Variants in LAMB2 observed in about 807,000 individuals in gnomAD.
The protein encoded by LAMB2 is laminin subunit beta 2, also known as laminin subunit beta-2.
Under a neutral mutation model 202.7 loss-of-function variants are expected in LAMB2, and 119 were observed. That is an observed-to-expected ratio of 0.59 (90% CI 0.51 to 0.68). The LOEUF (loss-of-function observed/expected upper bound fraction) is 0.68, where lower values mean the gene tolerates loss of function less well. Among genes scored for constraint, LAMB2 ranks in the 30% least tolerant of loss-of-function variants. The pLI, the probability that LAMB2 is intolerant of heterozygous loss-of-function variation, is 0.00. For missense variants in LAMB2, 2,124 were observed against 2,410.6 expected (o/e 0.88, Z 2.49); for synonymous variants, 818 against 902.2 (o/e 0.91, Z 1.67).
In LAMB2 at chr3:49,122,249, G is replaced by T; in HGVS notation, c.4695C>A (p.Ser1565Arg). The change falls in exon 28 of 32, where the codon AGC becomes AGA. Residue 1565 changes from serine (S) to arginine (R), a missense_variant. Ser to Arg is a moderately radical substitution (Grantham distance 110). Around this residue, in one of 3 missense-constraint regions of LAMB2, gnomAD observed 1,702 missense variants for 1,896.3 expected, o/e 0.90. Coordinates refer to ENST00000305544, the MANE Select transcript of LAMB2 (RefSeq NM_002292.4). The stretch of plus-strand genomic sequence containing the variant: ...CCAGGATCGCATCCACATCTGCCAG[G>T]CTCCGGACTCGCTCTGCAATCGCAC... ...LAGAIAERVR[S>R]LADVDAILAR... is the part of the protein sequence containing the mutation. 1 of 1,613,468 alleles carries T rather than the reference G, an allele frequency of 6.2e-7. No individual in the cohort carries two copies. The highest frequency in any genetic ancestry group is 8.5e-7 in the Non-Finnish European group (1 of 1,180,040).
chr3:49,128,349 A>C (rs1270581620), intron 15 of LAMB2, 109 bp downstream of exon 15: 32 of 1,390,620 alleles, frequency 2.3e-5, no homozygotes, highest in Non-Finnish European at 2.7e-5. Context: ...AGGTATTTGA[A>C]AGAAGGAACA....
Position 49,122,356 on chromosome 3 carries a change from G to A in LAMB2, c.4588C>T (p.Pro1530Ser). The A allele has an allele frequency of 1.2e-6, 2 of 1,613,320 alleles. No individual in the cohort carries two copies. The highest frequency in any genetic ancestry group is 1.7e-6 in the Non-Finnish European group (2 of 1,180,012). ...KDFLNQEGADPDSIEMVATRV... is the reference protein window; with the variant it reads ...KDFLNQEGADSDSIEMVATRV... ...GTGGCCACCATTTCAATGCTATCAG[G>A]ATCAGCCCCCTCCTCTATAGGGACA... The change falls in exon 28 of 32, where the codon CCT (proline) becomes TCT (serine). Residue 1530 changes from proline (P) to serine (S), a missense_variant. Pro to Ser is a moderately conservative substitution (Grantham distance 74). Coordinates refer to ENST00000305544, the MANE Select transcript of LAMB2 (RefSeq NM_002292.4).
In LAMB2 at chr3:49,124,963, C is replaced by T. The variant is rs778770435; in HGVS notation, c.2885-38G>A. ...AAGAGGAAGCTGTGAGTGCTCAGCC[C>T]AGCCAACTCACCCTGATCCCACGCC... On this transcript the variant is annotated intron_variant, in intron 20 of 31. Transcript: ENST00000305544. 9.9e-6 allele frequency: 16 copies of T among 1,613,948 alleles called. No individual in the cohort carries two copies. In the South Asian group the frequency reaches 1.5e-4, roughly 16 times the overall value.
chr3:49,123,296 C>T lies in LAMB2; in HGVS notation c.4060G>A (p.Val1354Ile), dbSNP rs1013824488. The part of the protein sequence containing the change: ...ERRANTSALA[V>I]PSPVSNSASA... ...GCCGAGTTGCTCACAGGGCTAGGTA[C>T]TGCCAGGGCTGAGGTATTGGCACGA... The change falls in exon 26 of 32, where the codon GTA becomes ATA. Residue 1354 changes from valine to isoleucine, a missense_variant. Transcript: ENST00000305544. 9.9e-6 allele frequency: 16 copies of T among 1,614,014 alleles called. No homozygotes were observed. The highest frequency in any genetic ancestry group is 1.4e-5 in the Non-Finnish European group (16 of 1,180,042).
Position 49,125,569 on chromosome 3 carries a change from G to A in LAMB2, c.2489-85C>T. 7 of 1,394,514 alleles carry A rather than the reference G, an allele frequency of 5.0e-6. No homozygotes were observed. The South Asian group carries it at 5.0e-5, about 10-fold the overall frequency. The allele number at this position is 1,394,514 out of a possible 1,614,324, so 86.4% of individuals were successfully genotyped here. A position where few individuals can be genotyped will look rare whatever the true frequency, so the allele number is the denominator to read the frequency against. On this transcript the variant is annotated intron_variant, in intron 18 of 31. Transcript: ENST00000305544. ...GGGGGAGGGTCTCAGGGGAGTGTGA[G>A]TAGTGGGAGTCTAGGTGGGAAGGTC...
Position 49,124,729 on chromosome 3 carries a change from A to G in LAMB2, c.3081T>C (p.His1027=). ...PHCAHCKPGF[H]GQAARQSCHR... ...GACAGCTCTGTCGGGCAGCCTGCCC[A>G]TGGAAGCCAGGCTTGCAGTGGGCAC... Residue 1027 remains histidine (H), a synonymous_variant, in exon 21 of 32, where the codon CAT becomes CAC. Transcript: ENST00000305544. The G allele has an allele frequency of 6.2e-7, 1 of 1,614,206 alleles. No homozygotes were observed. Among genetic ancestry groups the G allele is most frequent in the Non-Finnish European group, 8.5e-7 (1 of 1,180,030 alleles).
At position 49,130,374 on chromosome 3, in the gene LAMB2, G is replaced by A. The variant is rs1270231900; in HGVS notation, c.1082C>T (p.Ala361Val). Reference protein sequence around the residue: ...GHTHSCHFDMAVYLASGNVSG... With the variant: ...GHTHSCHFDMVVYLASGNVSG... ...CACATTGCCAGATGCCAGGTATACG[G>A]CCATGTCGAAGTGGCAGCTGTGGGT... is the stretch of plus-strand genomic sequence containing the variant. Residue 361 changes from alanine to valine, a missense_variant, in exon 9 of 32, where the codon GCC becomes GTC. Around this residue, in one of 3 missense-constraint regions of LAMB2, gnomAD observed 256 missense variants for 356.1 expected, o/e 0.72. Coordinates refer to ENST00000305544, the MANE Select transcript of LAMB2 (RefSeq NM_002292.4). The surrounding 1 kb of genome is among the most constrained non-coding windows in gnomAD (Gnocchi z 5.0). The A allele has an allele frequency of 1.9e-6, 3 of 1,614,144 alleles. No homozygotes were observed. Among genetic ancestry groups the A allele is most frequent in the East Asian group, 2.2e-5 (1 of 44,886 alleles).
chr3:49,130,874 C>T lies in LAMB2; in HGVS notation c.916-14G>A. The T allele has an allele frequency of 1.9e-6, 3 of 1,614,140 alleles. No homozygotes were observed. The highest frequency in any genetic ancestry group is 2.5e-6 in the Non-Finnish European group (3 of 1,180,020). ...AGCTCCGTGCACCTATAGAGGTTGG[C>T]AGGTAGGTTGTCAGCACTGCTCAGC... On this transcript the variant is annotated splice_polypyrimidine_tract_variant and intron_variant, in intron 7 of 31. Transcript: ENST00000305544. This position sits in a 1 kb window ranked among gnomAD's most constrained non-coding sequence, Gnocchi z 5.0.
chr3:49,122,019 C>G lies in LAMB2; in HGVS notation c.4848G>C (p.Arg1616=). ...TVQAALEEAQ[R]AQGIAQGAIR... The stretch of plus-strand genomic sequence containing the variant: ...TGGCACCCTGGGCAATACCCTGTGC[C>G]CGCTGGGCCTCCTCCAGTGCTGCCT... The change falls in exon 29 of 32, where the codon CGG becomes CGC. Residue 1616 remains arginine (R), a synonymous_variant. Transcript: ENST00000305544. 1.9e-6 allele frequency: 3 copies of G among 1,613,858 alleles called. No individual in the cohort carries two copies. Among genetic ancestry groups the G allele is most frequent in the Non-Finnish European group, 2.5e-6 (3 of 1,180,044 alleles).
intron 13 of LAMB2, 63 bp downstream of exon 13, chr3:49,128,955 CCA>C: frequency 6.2e-7 from 1 of 1,602,380 alleles, no homozygotes; most frequent in Non-Finnish European, 8.5e-7. Flanking sequence ...GCCCATAACC[CCA>C]CCTCTCCAGT....
Position 49,130,258 on chromosome 3 carries a change from C to G in LAMB2, c.1198G>C (p.Asp400His), listed in dbSNP as rs1403666220. The G allele has an allele frequency of 6.2e-7, 1 of 1,614,244 alleles. No homozygotes were observed. The highest frequency in any genetic ancestry group is 8.5e-7 in the Non-Finnish European group (1 of 1,180,050). Residue 400 changes from aspartate to histidine, a missense_variant, in exon 9 of 32, where the codon GAC (aspartate) becomes CAC (histidine). By Grantham distance (81) the Asp-to-His change is moderately conservative. Around this residue, in one of 3 missense-constraint regions of LAMB2, gnomAD observed 1,702 missense variants for 1,896.3 expected, o/e 0.90. Transcript: ENST00000305544. The surrounding 1 kb of genome is among the most constrained non-coding windows in gnomAD (Gnocchi z 5.0). ...RPFFYRDPTKDLRDPAVCRSC... is the reference protein window; with the variant it reads ...RPFFYRDPTKHLRDPAVCRSC... ...CGGCACACAGCCGGATCCCGCAGGT[C>G]CTTGGTTGGGTCACGGTAGAAGAAG...
At position 49,123,805 on chromosome 3, in the gene LAMB2, A is replaced by C; in HGVS notation, c.3720T>G (p.Ile1240Met). Residue 1240 changes from isoleucine to methionine, a missense_variant, in exon 24 of 32, where the codon ATT becomes ATG. Ile to Met is a conservative substitution (Grantham distance 10, BLOSUM62 1). Around this residue, in one of 3 missense-constraint regions of LAMB2, gnomAD observed 1,702 missense variants for 1,896.3 expected, o/e 0.90. Transcript: ENST00000305544. ...TGCGGGCACCTACGATGCCCTGCAC[A>C]ATGCCCAGCTTCTCCTGCATGTGCC... The part of the protein sequence containing the change: ...SFWHMQEKLG[I>M]VQGIVGARNT... 6.2e-7 allele frequency: 1 copy of C among 1,613,228 alleles called. No homozygotes were observed. Among genetic ancestry groups the C allele is most frequent in the African/African-American group, 1.3e-5 (1 of 75,048 alleles).
At position 49,130,485 on chromosome 3, in the gene LAMB2, G is replaced by A; in HGVS notation, c.1037-66C>T. ...ACCAGGTCACAAGGGTAAGAAGTAG[G>A]CCACCTTAGATCCCTATCACAGGCC... On this transcript the variant is annotated intron_variant, in intron 8 of 31. Coordinates refer to ENST00000305544, the MANE Select transcript of LAMB2 (RefSeq NM_002292.4). The surrounding 1 kb of genome is among the most constrained non-coding windows in gnomAD (Gnocchi z 5.0). 1 of 1,582,602 alleles carries A rather than the reference G, an allele frequency of 6.3e-7. No individual in the cohort carries two copies. Among genetic ancestry groups the A allele is most frequent in the Non-Finnish European group, 8.7e-7 (1 of 1,153,016 alleles).
In LAMB2 at chr3:49,127,926, A is replaced by T. The variant is rs368285684; in HGVS notation, c.2018+532T>A. The stretch of plus-strand genomic sequence containing the variant: ...TCCCAGCTACTCGGGATGCTGACAC[A>T]TGAGAATTGCTTGAACCCGGGAGGT... On this transcript the variant is annotated intron_variant, in intron 15 of 31. Transcript: ENST00000305544. Among the ~76,000 whole-genome samples, 8 of 148,600 alleles carry T rather than the reference A, an allele frequency of 5.4e-5. No individual in the cohort carries two copies. The East Asian group carries it at 1.2e-3, about 23-fold the overall frequency.
chr3:49,125,214 G>C, intron 19 of LAMB2, 39 bp downstream of exon 19: 1 of 1,613,570 alleles, frequency 6.2e-7, no homozygotes. Flanking sequence ...TGGGAAGCCT[G>C]CCCACCAACC....
Position 49,128,536 on chromosome 3 carries a change from G to A in LAMB2, c.1940C>T (p.Pro647Leu), listed in dbSNP as rs1451872451. ...ELELIVQRPG[P>L]VPAHSLCGHL... Reference sequence around the variant, plus strand: ...CCCACACAGGCTGTGGGCAGGCACAGGCCCTGGACGCTGCACAATCAGTTC... The same window carrying A: ...CCCACACAGGCTGTGGGCAGGCACAAGCCCTGGACGCTGCACAATCAGTTC... Residue 647 changes from proline to leucine, a missense_variant, in exon 15 of 32, where the codon CCT becomes CTT. Transcript: ENST00000305544. The A allele has an allele frequency of 6.2e-7, 1 of 1,614,114 alleles. No individual in the cohort carries two copies. Among genetic ancestry groups the A allele is most frequent in the African/African-American group, 1.3e-5 (1 of 74,950 alleles).
At position 49,131,498 on chromosome 3, in the gene LAMB2, C is replaced by G; in HGVS notation, c.648+37G>C. On this transcript the variant is annotated intron_variant, in intron 5 of 31. Coordinates refer to ENST00000305544, the MANE Select transcript of LAMB2 (RefSeq NM_002292.4). This position sits in a 1 kb window ranked among gnomAD's most constrained non-coding sequence, Gnocchi z 5.0. Reference sequence around the variant, plus strand: ...GGACCTTGCCTCAGGCCCATCATCCCCAGCTTCCAGCCCCCAGCCCAGATG... The same window carrying G: ...GGACCTTGCCTCAGGCCCATCATCCGCAGCTTCCAGCCCCCAGCCCAGATG... 6.2e-7 allele frequency: 1 copy of G among 1,613,972 alleles called. No individual in the cohort carries two copies.
In LAMB2 at chr3:49,121,499, C is replaced by T. The variant is rs775046899; in HGVS notation, c.5194G>A (p.Glu1732Lys). The T allele has an allele frequency of 1.2e-6, 2 of 1,614,094 alleles. No individual in the cohort carries two copies. The highest frequency in any genetic ancestry group is 2.2e-5 in the South Asian group (2 of 91,088). ...QGVLAAQARA[E>K]QLRDEARDLL... Reference sequence around the variant, plus strand: ...TCCCGAGCCTCATCCCGCAGTTGTTCTGCCCTTGCCTGTGCAGCCAGCACA... The same window carrying T: ...TCCCGAGCCTCATCCCGCAGTTGTTTTGCCCTTGCCTGTGCAGCCAGCACA... The change falls in exon 31 of 32, where the codon GAA (glutamate) becomes AAA (lysine). Residue 1732 changes from glutamate to lysine, a missense_variant. Transcript: ENST00000305544.
chr3:49,122,240 A>T lies in LAMB2; in HGVS notation c.4704T>A (p.Asp1568Glu). Residue 1568 changes from aspartate to glutamate, a missense_variant, in exon 28 of 32, where the codon GAT becomes GAA. Transcript: ENST00000305544. ...AIAERVRSLA[D>E]VDAILARTVG... The stretch of plus-strand genomic sequence containing the variant: ...CAGTACGTGCCAGGATCGCATCCAC[A>T]TCTGCCAGGCTCCGGACTCGCTCTG... 9 of 1,613,484 alleles carry T rather than the reference A, an allele frequency of 5.6e-6. No individual in the cohort carries two copies. The highest frequency in any genetic ancestry group is 7.6e-6 in the Non-Finnish European group (9 of 1,180,036).
Sources: allele counts gnomAD v4.1 joint callset (sites outside exome capture counted in the v4.1 genomes callset), GRCh38; gene constraint gnomAD v4.1.1; regional missense constraint gnomAD v4.1.1; non-coding constraint Gnocchi (gnomAD v3.1); transcripts MANE v1.5; gene names NCBI Gene and HGNC (gene_info 2026-07-23, HGNC 2026-07-21).